The following C15orf40 variants were observed in gnomAD, a reference collection of about 807,000 sequenced individuals.
The protein encoded by C15orf40 is UPF0235 protein C15orf40.
In C15orf40, 9 loss-of-function variants were observed where a neutral mutation model predicts 13.9. The observed-to-expected ratio is 0.65, with a 90% CI of 0.39 to 1.13. The LOEUF is 1.13. Ranked by LOEUF, C15orf40 falls within the 50% of genes most tolerant of loss-of-function variation. C15orf40 has a pLI of 0.01. For synonymous variants in C15orf40, 95 were observed against 69.2 expected, an observed-to-expected ratio of 1.37 and a Z score of -1.85; for missense variants, 225 against 188.5, an observed-to-expected ratio of 1.19 and a Z score of -1.13.
In C15orf40 at chr15:83,008,535, G is replaced by T. The variant is rs1382167897; in HGVS notation, c.366+13C>A. 6.2e-7 allele frequency: 1 copy of T among 1,609,000 alleles called. No homozygotes were observed. On this transcript the variant is annotated intron_variant, in intron 3 of 3. Transcript: ENST00000304177. ...TTTTGTCTCAAAAAAAAAAAAAAGA[G>T]AGCGAGACCTACCTTATCCAAAACC...
At position 83,010,288 on chromosome 15, in the gene C15orf40, C is replaced by T. The variant is rs1233773603; in HGVS notation, c.187G>A (p.Val63Ile). ...GPVAVDPKGCVTIAIHAKPGS... is the reference protein window; with the variant it reads ...GPVAVDPKGCITIAIHAKPGS... ...GGTTTTGCATGGATGGCTATGGTGACGCATCCTTTAGGATCAACTGCCACA... is the reference window on the plus strand; with the variant it reads ...GGTTTTGCATGGATGGCTATGGTGATGCATCCTTTAGGATCAACTGCCACA... Residue 63 changes from valine (V) to isoleucine (I), a missense_variant, in exon 2 of 4, where the codon GTC (valine) becomes ATC (isoleucine). Val to Ile is a conservative substitution (Grantham distance 29, BLOSUM62 3). Coordinates refer to ENST00000304177, the MANE Select transcript of C15orf40 (RefSeq NM_144597.3). 5.0e-6 allele frequency: 8 copies of T among 1,614,210 alleles called. No homozygotes were observed. Among genetic ancestry groups the T allele is most frequent in the South Asian group, 1.1e-5 (1 of 91,082 alleles).
chr15:82,990,899 C>G (rs570286700), downstream of C15orf40: 517 of 426,210 alleles, frequency 1.2e-3, no homozygotes, highest in Non-Finnish European at 1.9e-3. Flanking sequence ...ATGTTATATT[C>G]ACTTCCAGAT....
Position 82,995,609 on chromosome 15 carries a change from AC to A in C15orf40, c.*9987del, listed in dbSNP as rs1191141991. On this transcript the variant is annotated 3_prime_UTR_variant, in exon 4 of 4. Transcript: ENST00000304177. ...AGACCAGCCTGGCCAACATGGCAAAACCCCATCTCTACTAAAAATACAAAAA... is the reference window on the plus strand; with the variant it reads ...AGACCAGCCTGGCCAACATGGCAAAACCCATCTCTACTAAAAATACAAAAA... 1.3e-5 allele frequency: 2 copies of A among 152,292 alleles called. No individual in the cohort carries two copies. The highest frequency in any genetic ancestry group is 2.9e-5 in the Non-Finnish European group (2 of 68,202). The allele number at this position is 152,292 out of a possible 1,614,324, so 9.4% of individuals were successfully genotyped here.
chr15:83,005,833 A>T, intron 3 of C15orf40, 141 bp from the exon 4 acceptor site: 2 of 1,267,528 alleles, frequency 1.6e-6, no homozygotes, highest in Non-Finnish European at 2.1e-6. Flanking sequence ...TATCTCTTAG[A>T]TTCTTCCTTA....
In C15orf40 at chr15:82,996,210, T is replaced by A. The variant is rs986249701; in HGVS notation, c.*9387A>T. On this transcript the variant is annotated 3_prime_UTR_variant, in exon 4 of 4. Transcript: ENST00000304177. Reference sequence around the variant, plus strand: ...TCTCATGGTTTTTTTCCACTGCTCGTGCCTTTAACTCCCTAAAGAATCTCC... The same window carrying A: ...TCTCATGGTTTTTTTCCACTGCTCGAGCCTTTAACTCCCTAAAGAATCTCC... 1 of 152,226 alleles carries A rather than the reference T, an allele frequency of 6.6e-6. No homozygotes were observed. The highest frequency in any genetic ancestry group is 1.5e-5 in the Non-Finnish European group (1 of 68,046). The allele number at this position is 152,226 out of a possible 1,614,324, so 9.4% of individuals were successfully genotyped here.
rs189325013 is a variant in C15orf40 at position 83,000,695 on chromosome 15, C to G, written c.*4902G>C. ...ATTTGAATTTGGGGCCATGTGGGTT[C>G]TAAAATTTATACTCTGCATTACAGC... is the stretch of plus-strand genomic sequence containing the variant. On this transcript the variant is annotated 3_prime_UTR_variant, in exon 4 of 4. Coordinates refer to ENST00000304177, the MANE Select transcript of C15orf40 (RefSeq NM_144597.3). 1 of 152,192 alleles carries G rather than the reference C, an allele frequency of 6.6e-6. No homozygotes were observed. Among genetic ancestry groups the G allele is most frequent in the African/African-American group, 2.4e-5 (1 of 41,450 alleles). The allele number at this position is 152,192 out of a possible 1,614,324, so 9.4% of individuals were successfully genotyped here.
downstream of C15orf40, chr15:82,990,635 A>C (rs947630977): frequency 1.3e-6 from 2 of 1,517,338 alleles, no homozygotes; most frequent in Non-Finnish European, 1.8e-6. Flanking sequence ...GTCTCTTTTT[A>C]GAGGGAAATC....
At chr15:83,008,706 T>A (rs1166528961) in intron 2 of C15orf40, 31 bp from the exon 3 acceptor site, 2 of 1,549,028 alleles carry the variant, frequency 1.3e-6, no homozygotes, top group Non-Finnish European at 1.7e-6. Context: ...ACTTTATCCT[T>A]AAGGAGTTCT....
At chr15:82,992,674 G>A (rs1003724652), downstream of C15orf40, among the ~76,000 whole-genome samples, 1 of 152,160 alleles carries the variant, frequency 6.6e-6, no homozygotes. Flanking sequence ...CAGCGCTGGA[G>A]GAGTACTTCT....
Position 83,004,533 on chromosome 15 carries a change from A to G in C15orf40, c.*1064T>C, listed in dbSNP as rs1219789330. The stretch of plus-strand genomic sequence containing the variant: ...ACAAGCTTTTACAAATACTGAAAAT[A>G]GCTTCCAAGTCCTCTTTCTTCTTTT... On this transcript the variant is annotated 3_prime_UTR_variant, in exon 4 of 4. Transcript: ENST00000304177. 32 of 813,474 alleles carry G rather than the reference A, an allele frequency of 3.9e-5. No individual in the cohort carries two copies. Among genetic ancestry groups the G allele is most frequent in the South Asian group, 5.6e-5 (1 of 17,716 alleles). 50.4% of individuals were successfully genotyped at this position (813,474 alleles called of 1,614,324 possible). A position where few individuals can be genotyped will look rare whatever the true frequency, so the allele number is the denominator to read the frequency against.
At position 82,996,467 on chromosome 15, in the gene C15orf40, C is replaced by G. The variant is rs560273150; in HGVS notation, c.*9130G>C. 26 of 151,974 alleles carry G rather than the reference C, an allele frequency of 1.7e-4. No homozygotes were observed. In the East Asian group the frequency reaches 5.1e-3, roughly 30 times the overall value. The allele number at this position is 151,974 out of a possible 1,614,324, so 9.4% of individuals were successfully genotyped here. On this transcript the variant is annotated 3_prime_UTR_variant, in exon 4 of 4. Transcript: ENST00000304177. ...CATTCTGGCTAACACGGTGAAACCC[C>G]GTCTCTACTAAAAATACAAAAAGAA... is the stretch of plus-strand genomic sequence containing the variant.
At chr15:82,993,330 G>C (rs1390703066), downstream of C15orf40, among the ~76,000 whole-genome samples, 2 of 152,236 alleles carry the variant, frequency 1.3e-5, no homozygotes, top group Non-Finnish European at 2.9e-5. Flanking sequence ...GTAAAGCGTA[G>C]TGTTGACATA....
intron 2 of C15orf40, among the ~76,000 whole-genome samples, chr15:83,009,337 A>G (rs1396832131): frequency 6.6e-6 from 1 of 152,216 alleles, no homozygotes; most frequent in African/African-American, 2.4e-5. Flanking sequence ...CATGGCATCC[A>G]GCCTCCCATT....
Position 82,997,627 on chromosome 15 carries a change from C to G in C15orf40, c.*7970G>C. On this transcript the variant is annotated 3_prime_UTR_variant, in exon 4 of 4. Coordinates refer to ENST00000304177, the MANE Select transcript of C15orf40 (RefSeq NM_144597.3). ...CTTTCCACACAGACACAGCAACCATCCGATCTCTCAATCTTTTCCCCACCT... is the reference window on the plus strand; with the variant it reads ...CTTTCCACACAGACACAGCAACCATGCGATCTCTCAATCTTTTCCCCACCT... 3.4e-6 allele frequency: 1 copy of G among 290,492 alleles called. No homozygotes were observed. Among genetic ancestry groups the G allele is most frequent in the Non-Finnish European group, 6.7e-6 (1 of 149,760 alleles). 18.0% of individuals were successfully genotyped at this position (290,492 alleles called of 1,614,324 possible). A position where few individuals can be genotyped will look rare whatever the true frequency, so the allele number is the denominator to read the frequency against.
chr15:82,993,784 G>A (rs2030950981), downstream of C15orf40, among the ~76,000 whole-genome samples: 1 of 152,196 alleles, frequency 6.6e-6, no homozygotes, highest in Non-Finnish European at 1.5e-5. Flanking sequence ...CAGCCTAAGT[G>A]ACAGGGCAAG....
chr15:82,990,722 C>T, downstream of C15orf40: 2 of 1,314,582 alleles, frequency 1.5e-6, no homozygotes, highest in Non-Finnish European at 2.1e-6. Flanking sequence ...GATAAGGGTA[C>T]ACATCATTTT....
At chr15:83,011,346 G>C (rs757645273) in intron 1 of C15orf40, 151 bp downstream of exon 1, 83 of 816,488 alleles carry the variant, frequency 1.0e-4, no homozygotes, top group Non-Finnish European at 1.4e-4. Flanking sequence ...CCGCAGCTCT[G>C]GGGGTGGCGG....
downstream of C15orf40, among the ~76,000 whole-genome samples, chr15:82,992,349 C>T (rs1209145135): frequency 6.6e-6 from 1 of 152,012 alleles, no homozygotes; most frequent in African/African-American, 2.4e-5. Flanking sequence ...AATCCTGTCT[C>T]TATTAAAAAT....
In C15orf40 at chr15:83,004,507, G is replaced by C. The variant is rs937325960; in HGVS notation, c.*1090C>G. The C allele has an allele frequency of 1.3e-6, 1 of 795,214 alleles. No individual in the cohort carries two copies. The highest frequency in any genetic ancestry group is 1.5e-6 in the Non-Finnish European group (1 of 656,800). 49.3% of individuals were successfully genotyped at this position (795,214 alleles called of 1,614,324 possible). ...AAACTTTAATATAGATGTAATTTCTGACAAGCTTTTACAAATACTGAAAAT... is the reference window on the plus strand; with the variant it reads ...AAACTTTAATATAGATGTAATTTCTCACAAGCTTTTACAAATACTGAAAAT... On this transcript the variant is annotated 3_prime_UTR_variant, in exon 4 of 4. Transcript: ENST00000304177.
Sources: allele counts gnomAD v4.1 joint callset (sites outside exome capture counted in the v4.1 genomes callset), GRCh38; gene constraint gnomAD v4.1.1; transcripts MANE v1.5; gene names NCBI Gene and HGNC (gene_info 2026-07-23, HGNC 2026-07-21).